RPTOR: variants seen among roughly 807,000 people sequenced by gnomAD.
The protein encoded by RPTOR is regulatory-associated protein of mTOR.
A neutral mutation model predicts 169.9 loss-of-function variants in RPTOR; 21 were observed. That is an observed-to-expected ratio of 0.12 (90% CI 0.09 to 0.18). RPTOR has a LOEUF of 0.18. Among genes scored for constraint, RPTOR ranks in the 10% least tolerant of loss-of-function variants. RPTOR has a pLI of 1.00. For synonymous variants in RPTOR, 732 were observed against 753.2 expected, an observed-to-expected ratio of 0.97 and a Z score of 0.46; for missense variants, 1,133 against 1,855.9, an observed-to-expected ratio of 0.61 and a Z score of 7.16.
In RPTOR at chr17:80,657,411, T is replaced by C. The variant is rs2143638384; in HGVS notation, c.348+13601T>C. On this transcript the variant is annotated intron_variant, in intron 3 of 33. Coordinates refer to ENST00000306801, the MANE Select transcript of RPTOR (RefSeq NM_020761.3). ...ACCTGATATTTTTCATGCCTTTGAC[T>C]CCTGTCTTGGTCTGTTAGGTCTTGG... 2.0e-5 allele frequency among the ~76,000 whole-genome samples: 3 copies of C among 152,342 alleles called. No homozygotes were observed. The Middle Eastern group carries it at 0.01, about 518-fold the overall frequency.
chr17:80,948,189 C>T (rs2069125861), intron 27 of RPTOR, among the ~76,000 whole-genome samples: 1 of 152,238 alleles, frequency 6.6e-6, no homozygotes, highest in Admixed American at 6.5e-5. Context: ...CTGTCGGCCG[C>T]AGCCCCTGGA....
Position 80,885,128 on chromosome 17 carries a change from G to T in RPTOR, c.1963G>T (p.Gly655Trp). The change falls in exon 17 of 34, where the codon GGG (glycine) becomes TGG (tryptophan). Residue 655 changes from glycine (G) to tryptophan (W), a missense_variant. Gly to Trp is a radical substitution (Grantham distance 184). This residue lies in a region of RPTOR where 150 missense variants were observed against 206.4 expected (regional missense o/e 0.73). Transcript: ENST00000306801. ...GATGCTGGCCCAGCTGGTCAGCGAC[G>T]GGAGCCCCATGGTCCGGAAGGTGCG... is the stretch of plus-strand genomic sequence containing the variant. ...AMMLAQLVSDGSPMVRKELVV... is the reference protein window; with the variant it reads ...AMMLAQLVSDWSPMVRKELVV... 1.3e-6 allele frequency: 2 copies of T among 1,562,190 alleles called. No homozygotes were observed. The highest frequency in any genetic ancestry group is 2.4e-5 in the East Asian group (1 of 42,142).
At chr17:80,615,633 A>G (rs1303443290) in intron 1 of RPTOR, among the ~76,000 whole-genome samples, 1 of 152,110 alleles carries the variant, frequency 6.6e-6, no homozygotes, top group African/African-American at 2.4e-5. Context: ...TTAGCAGCAC[A>G]TGCTGTTACC....
intron 3 of RPTOR, among the ~76,000 whole-genome samples, chr17:80,688,811 C>T (rs140474657): frequency 6.6e-6 from 1 of 152,350 alleles, no homozygotes; most frequent in East Asian, 1.9e-4. Context: ...ACTCCAAGGA[C>T]ACTGACCAGC....
chr17:80,868,929 T>C (rs1256599717), intron 13 of RPTOR, among the ~76,000 whole-genome samples: 2 of 151,964 alleles, frequency 1.3e-5, no homozygotes, highest in Non-Finnish European at 2.9e-5. Flanking sequence ...GAAGATGAGC[T>C]GCTGCTGGGG....
At chr17:80,838,785 G>A (rs956872241) in intron 10 of RPTOR, among the ~76,000 whole-genome samples, 1 of 152,222 alleles carries the variant, frequency 6.6e-6, no homozygotes, top group Non-Finnish European at 1.5e-5. Context: ...ACACCACCGT[G>A]TCAGGCTCCA....
intron 7 of RPTOR, among the ~76,000 whole-genome samples, chr17:80,810,136 TC>T (rs1427150577): frequency 6.6e-6 from 1 of 152,064 alleles, no homozygotes; most frequent in East Asian, 1.9e-4. Context: ...TTTGATGAAG[TC>T]CGATTTCATC....
intron 4 of RPTOR, among the ~76,000 whole-genome samples, chr17:80,717,456 G>T (rs12601066): frequency 0.18 from 26,898 of 151,964 alleles, 2,762 homozygotes; most frequent in East Asian, 0.24. Context: ...TTTCTTGGTT[G>T]TATTTTCCCC....
chr17:80,760,474 G>C (rs1461465634), intron 6 of RPTOR, among the ~76,000 whole-genome samples: 1 of 151,748 alleles, frequency 6.6e-6, no homozygotes, highest in Non-Finnish European at 1.5e-5. Flanking sequence ...GCTAATTTTT[G>C]TATTTTTAGT....
chr17:80,609,775 G>T lies in RPTOR; in HGVS notation c.163-15916G>T, dbSNP rs773155786. 6.7e-5 allele frequency among the ~76,000 whole-genome samples: 4 copies of T among 60,116 alleles called. No individual in the cohort carries two copies. Among genetic ancestry groups the T allele is most frequent in the Non-Finnish European group, 1.2e-4 (3 of 24,122 alleles). 39.4% of individuals were successfully genotyped at this position (60,116 alleles called of 152,430 possible). A position where few individuals can be genotyped will look rare whatever the true frequency, so the allele number is the denominator to read the frequency against. On this transcript the variant is annotated intron_variant, in intron 1 of 33. Coordinates refer to ENST00000306801, the MANE Select transcript of RPTOR (RefSeq NM_020761.3). This position sits in a 1 kb window ranked among gnomAD's most constrained non-coding sequence, Gnocchi z 4.8. ...AAAAAAAAAGTTTAAGGTGTTGGTT[G>T]TGTGTGTGTGTGTGTGTGTGTGTGT...
chr17:80,770,849 A>T (rs994951311), intron 6 of RPTOR, among the ~76,000 whole-genome samples: 3 of 152,218 alleles, frequency 2.0e-5, no homozygotes, highest in African/African-American at 7.2e-5. Flanking sequence ...AGCTGACCTA[A>T]GCCCACCCAC....
At chr17:80,833,752 G>C (rs1394572407) in intron 9 of RPTOR, among the ~76,000 whole-genome samples, 1 of 152,240 alleles carries the variant, frequency 6.6e-6, no homozygotes, top group Non-Finnish European at 1.5e-5. Context: ...CACTTTGGGA[G>C]GCCACGGCAG....
intron 6 of RPTOR, among the ~76,000 whole-genome samples, chr17:80,783,055 G>T (rs997502716): frequency 6.6e-5 from 10 of 152,220 alleles, no homozygotes; most frequent in Admixed American, 6.5e-5. Context: ...CTCCGTGGAA[G>T]AGGTTTACCT....
intron 28 of RPTOR, among the ~76,000 whole-genome samples, chr17:80,949,959 C>A (rs2069152429): frequency 6.6e-6 from 1 of 152,266 alleles, no homozygotes; most frequent in Non-Finnish European, 1.5e-5. Flanking sequence ...ACATGGCCAT[C>A]TGGGGCCTCA....
At chr17:80,914,048 G>A (rs940959799) in intron 21 of RPTOR, among the ~76,000 whole-genome samples, 14 of 152,262 alleles carry the variant, frequency 9.2e-5, no homozygotes, top group African/African-American at 2.4e-4. Context: ...TGCGCTGGCC[G>A]CTGCCTCTGT....
intron 6 of RPTOR, among the ~76,000 whole-genome samples, chr17:80,786,656 G>A (rs1190017760): frequency 2.0e-5 from 3 of 152,310 alleles, no homozygotes; most frequent in African/African-American, 4.8e-5. Flanking sequence ...ACCGCAGGGG[G>A]TCTGCCTTGC....
rs1419141223 is a variant in RPTOR at position 80,651,779 on chromosome 17, A to T, written c.348+7969A>T. Among the ~76,000 whole-genome samples, 1 of 152,126 alleles carries T rather than the reference A, an allele frequency of 6.6e-6. No homozygotes were observed. The highest frequency in any genetic ancestry group is 2.4e-5 in the African/African-American group (1 of 41,416). On this transcript the variant is annotated intron_variant, in intron 3 of 33. Transcript: ENST00000306801. This position sits in a 1 kb window ranked among gnomAD's most constrained non-coding sequence, Gnocchi z 4.1. ...ACGCCTGTAATCCCAGCACTTTGGG[A>T]GGCCGAGGCGGGTGGATCGTGAGGT... is the stretch of plus-strand genomic sequence containing the variant.
intron 3 of RPTOR, among the ~76,000 whole-genome samples, chr17:80,678,314 A>G (rs932968517): frequency 7.2e-5 from 11 of 152,220 alleles, no homozygotes; most frequent in East Asian, 3.8e-4. Flanking sequence ...GTAGACAGGG[A>G]CAACCACAGG....
At chr17:80,616,611 C>G (rs1267902881) in intron 1 of RPTOR, among the ~76,000 whole-genome samples, 1 of 152,160 alleles carries the variant, frequency 6.6e-6, no homozygotes, top group African/African-American at 2.4e-5. Context: ...AGTTGAAAAT[C>G]TTGTTCCATG....
Sources: allele counts gnomAD v4.1 joint callset (sites outside exome capture counted in the v4.1 genomes callset), GRCh38; gene constraint gnomAD v4.1.1; regional missense constraint gnomAD v4.1.1; non-coding constraint Gnocchi (gnomAD v3.1); transcripts MANE v1.5; gene names NCBI Gene and HGNC (gene_info 2026-07-23, HGNC 2026-07-21).